The following CCSER1 variants were observed in gnomAD, a reference collection of about 807,000 sequenced individuals.
CCSER1 encodes serine-rich coiled-coil domain-containing protein 1.
In CCSER1, 41 loss-of-function variants were observed where a neutral mutation model predicts 82.0. The observed-to-expected ratio is 0.50, with a 90% confidence interval of 0.39 to 0.65. The LOEUF (loss-of-function observed/expected upper bound fraction) is 0.65, where lower values mean the gene tolerates loss of function less well. Ranked by LOEUF, CCSER1 falls within the 30% of genes least tolerant of loss-of-function variation. CCSER1 has a pLI of 0.00. For synonymous variants in CCSER1, 414 were observed against 383.9 expected (o/e 1.08, Z -0.92); for missense variants, 1,119 against 1,064.2 (o/e 1.05, Z -0.72).
rs552246817 is a variant in CCSER1 at position 90,651,652 on chromosome 4, C to T, written c.1932+23420C>T. On this transcript the variant is annotated intron_variant, in intron 6 of 10. Transcript: ENST00000509176. ...TGTATACCTACGTAACAAAACTGCA[C>T]GTTCTCTGCATGCATCCCAGAACTT... 4.4e-4 allele frequency among the ~76,000 whole-genome samples: 66 copies of T among 151,146 alleles called. 1 individual carries two copies. The South Asian group carries it at 0.014, about 31-fold the overall frequency.
At chr4:91,318,022 A>G (rs1553923750) in intron 10 of CCSER1, among the ~76,000 whole-genome samples, 1 of 151,878 alleles carries the variant, frequency 6.6e-6, no homozygotes, top group Non-Finnish European at 1.5e-5. Flanking sequence ...GGAGAGGCAG[A>G]TTTTTTTGTA....
intron 10 of CCSER1, among the ~76,000 whole-genome samples, chr4:91,356,441 C>T (rs1748838012): frequency 6.6e-6 from 1 of 152,212 alleles, no homozygotes; most frequent in East Asian, 1.9e-4. Flanking sequence ...TTAAATTGAT[C>T]TGGTATTCCT....
chr4:91,175,492 C>G (rs1367977158), intron 10 of CCSER1, among the ~76,000 whole-genome samples: 1 of 152,142 alleles, frequency 6.6e-6, no homozygotes, highest in East Asian at 1.9e-4. Context: ...CTGTTGTTTC[C>G]TGACTTTTTA....
At chr4:90,322,748 T>C (rs1199145543) in intron 3 of CCSER1, among the ~76,000 whole-genome samples, 1 of 152,202 alleles carries the variant, frequency 6.6e-6, no homozygotes, top group African/African-American at 2.4e-5. Flanking sequence ...GCAAAGTCTC[T>C]TTTTCTCTTC....
chr4:91,088,706 A>G (rs1723632867), intron 10 of CCSER1, among the ~76,000 whole-genome samples: 1 of 151,864 alleles, frequency 6.6e-6, no homozygotes, highest in South Asian at 2.1e-4. Context: ...GCTTGTTTAA[A>G]AAGGGAGATT....
chr4:90,862,556 G>A (rs564805571), intron 8 of CCSER1, among the ~76,000 whole-genome samples: 5 of 152,018 alleles, frequency 3.3e-5, no homozygotes, highest in African/African-American at 9.6e-5. Context: ...AGCACCCTTA[G>A]CTAGTTCAAG....
At chr4:90,662,611 G>A (rs1705798659) in intron 6 of CCSER1, among the ~76,000 whole-genome samples, 1 of 151,974 alleles carries the variant, frequency 6.6e-6, no homozygotes, top group African/African-American at 2.4e-5. Context: ...TTCATTTGGG[G>A]AAATCTTATA....
chr4:91,518,903 G>C lies in CCSER1; in HGVS notation c.2218-79669G>C, dbSNP rs567873095. 3.3e-5 allele frequency among the ~76,000 whole-genome samples: 5 copies of C among 152,296 alleles called. No individual in the cohort carries two copies. The East Asian group carries it at 9.7e-4, about 29-fold the overall frequency. On this transcript the variant is annotated intron_variant, in intron 10 of 10. Transcript: ENST00000509176. The stretch of plus-strand genomic sequence containing the variant: ...CCAGATTGGTGAAGAGTGGGGGTTA[G>C]GCTTTCCCAGGGAAGATGGACTGGA...
intron 1 of CCSER1, among the ~76,000 whole-genome samples, chr4:90,135,651 G>A (rs768343694): frequency 3.3e-5 from 5 of 152,158 alleles, no homozygotes; most frequent in African/African-American, 7.2e-5. Flanking sequence ...CTTTCTAAAC[G>A]ACAGTGCAGT....
At chr4:90,502,474 CA>C (rs750322362) in intron 5 of CCSER1, among the ~76,000 whole-genome samples, 94 of 152,272 alleles carry the variant, frequency 6.2e-4, no homozygotes, top group Non-Finnish European at 1.0e-3. Context: ...TGTGGGTGCA[CA>C]GAGCCAAACT....
chr4:91,130,451 T>G (rs1208172915), intron 10 of CCSER1, among the ~76,000 whole-genome samples: 1 of 151,948 alleles, frequency 6.6e-6, no homozygotes, highest in African/African-American at 2.4e-5. Flanking sequence ...TCCTTCTCAG[T>G]TCTAAGTATA....
At chr4:90,612,702 T>G (rs1203447389) in intron 5 of CCSER1, among the ~76,000 whole-genome samples, 1 of 152,192 alleles carries the variant, frequency 6.6e-6, no homozygotes, top group Non-Finnish European at 1.5e-5. Flanking sequence ...TATAGTAGTA[T>G]TTGAGAAACC....
At chr4:90,994,439 A>G (rs916601097) in intron 9 of CCSER1, among the ~76,000 whole-genome samples, 1 of 152,036 alleles carries the variant, frequency 6.6e-6, no homozygotes, top group Non-Finnish European at 1.5e-5. Flanking sequence ...TGGGTACTCA[A>G]AGTATGGTGT....
At chr4:91,463,513 C>T (rs1472435936) in intron 10 of CCSER1, among the ~76,000 whole-genome samples, 1 of 152,212 alleles carries the variant, frequency 6.6e-6, no homozygotes, top group Non-Finnish European at 1.5e-5. Context: ...CAGAGAATGA[C>T]TTTGACGAGT....
rs373487504 is a variant in CCSER1, at chr4:90,140,954, C to T, written c.-42+13123C>T. Among the ~76,000 whole-genome samples, 19 of 151,908 alleles carry T rather than the reference C, an allele frequency of 1.3e-4. No individual in the cohort carries two copies. The South Asian group carries it at 2.3e-3, about 18-fold the overall frequency. On this transcript the variant is annotated intron_variant, in intron 1 of 10. Coordinates refer to ENST00000509176, the MANE Select transcript of CCSER1 (RefSeq NM_001145065.2). ...TGCTGGGATTACCGGAGTGAGCCACCGCGCCCGGCCTTGGTCTACTTTTTT... is the reference window on the plus strand; with the variant it reads ...TGCTGGGATTACCGGAGTGAGCCACTGCGCCCGGCCTTGGTCTACTTTTTT...
At chr4:90,710,362 T>G (rs1037467991) in intron 6 of CCSER1, among the ~76,000 whole-genome samples, 1 of 152,214 alleles carries the variant, frequency 6.6e-6, no homozygotes, top group Non-Finnish European at 1.5e-5. Flanking sequence ...TTTTTGCTTT[T>G]GCTGAAATTG....
At chr4:90,762,087 C>T (rs1271117501) in intron 7 of CCSER1, among the ~76,000 whole-genome samples, 2 of 152,110 alleles carry the variant, frequency 1.3e-5, no homozygotes, top group Non-Finnish European at 2.9e-5. Flanking sequence ...TGTGTCCCTA[C>T]CCAAATGTTG....
At chr4:91,441,980 A>G in intron 10 of CCSER1, among the ~76,000 whole-genome samples, 1 of 152,214 alleles carries the variant, frequency 6.6e-6, no homozygotes, top group Non-Finnish European at 1.5e-5. Flanking sequence ...GAGAATACAA[A>G]CAAATGGAAG....
intron 5 of CCSER1, among the ~76,000 whole-genome samples, chr4:90,469,126 T>C (rs1764021257): frequency 6.6e-6 from 1 of 152,144 alleles, no homozygotes; most frequent in South Asian, 2.1e-4. Context: ...CTGACCACCG[T>C]AGGAGTAAGG....
Sources: gnomAD v4.1 joint callset for allele counts (sites outside exome capture counted in the v4.1 genomes callset) on GRCh38, gnomAD v4.1.1 for gene constraint, MANE v1.5 for transcripts, NCBI Gene and HGNC (gene_info 2026-07-23, HGNC 2026-07-21) for gene names.